The following MPDZ variants were observed in gnomAD, a reference collection of about 807,000 sequenced individuals.
MPDZ encodes multiple PDZ domain crumbs cell polarity complex component, also known as multiple PDZ domain protein.
MPDZ carries 234 observed loss-of-function variants against 239.1 expected under a neutral mutation model. That is an observed-to-expected ratio of 0.98 (90% CI 0.88 to 1.09). The LOEUF is 1.09. Among genes scored for constraint, MPDZ ranks in the 50% least tolerant of loss-of-function variants. MPDZ has a pLI of 0.00. For synonymous variants in MPDZ, 1,048 were observed against 881.3 expected (o/e 1.19, Z -3.35); for missense variants, 3,175 against 2,510.0 (o/e 1.26, Z -5.66).
At chr9:13,218,018 G>C (rs941450253) in intron 8 of MPDZ, among the ~76,000 whole-genome samples, 2 of 151,810 alleles carry the variant, frequency 1.3e-5, no homozygotes, top group Non-Finnish European at 2.9e-5. Flanking sequence ...CTATGTATTA[G>C]CATGGTGTCA....
At chr9:13,160,870 A>ATATATATATATATATATATATAT (rs1554669677) in intron 23 of MPDZ, among the ~76,000 whole-genome samples, 3 of 127,730 alleles carry the variant, frequency 2.3e-5, no homozygotes, top group Non-Finnish European at 5.0e-5. Context: ...ATATATATAT[A>ATATATATATATATATATATATAT]AAACAGGTAC....
chr9:13,110,210 G>C lies in MPDZ; in HGVS notation c.5830-146C>G, dbSNP rs370419470. The C allele has an allele frequency of 2.8e-5, 18 of 647,156 alleles. No homozygotes were observed. The East Asian group carries it at 3.0e-4, about 11-fold the overall frequency. The allele number at this position is 647,156 out of a possible 1,614,324, so 40.1% of individuals were successfully genotyped here. A position where few individuals can be genotyped will look rare whatever the true frequency, so the allele number is the denominator to read the frequency against. ...TGTTAACATAAAATACAACCAAAGA[G>C]AATGAAATTTCACAAGGTCCAGAGG... is the stretch of plus-strand genomic sequence containing the variant. On this transcript the variant is annotated intron_variant, in intron 44 of 46. Transcript: ENST00000319217.
At chr9:13,198,410 T>C (rs190777522) in intron 12 of MPDZ, among the ~76,000 whole-genome samples, 1 of 152,308 alleles carries the variant, frequency 6.6e-6, no homozygotes, top group Admixed American at 6.5e-5. Context: ...GGAATGTCTA[T>C]TCAGATCTTT....
chr9:13,277,306 G>C (rs1259025017), intron 1 of MPDZ, among the ~76,000 whole-genome samples: 1 of 151,378 alleles, frequency 6.6e-6, no homozygotes, highest in Non-Finnish European at 1.5e-5. Flanking sequence ...AACACAGAAA[G>C]GATCAAAGGA....
chr9:13,134,169 C>A (rs987880873), intron 31 of MPDZ: 4 of 170,370 alleles, frequency 2.3e-5, no homozygotes, highest in African/African-American at 9.5e-5. Flanking sequence ...CAGTTGAGAG[C>A]ACAGATAGAC....
chr9:13,273,781 C>T (rs1210480356), intron 1 of MPDZ, among the ~76,000 whole-genome samples: 1 of 152,128 alleles, frequency 6.6e-6, no homozygotes, highest in Non-Finnish European at 1.5e-5. Context: ...TAAACATTGA[C>T]TATTAACACT....
chr9:13,214,704 G>A (rs369456441), intron 10 of MPDZ, among the ~76,000 whole-genome samples: 2 of 151,996 alleles, frequency 1.3e-5, no homozygotes, highest in African/African-American at 2.4e-5. Context: ...TTTAGACTCC[G>A]TATGTATTCC....
At chr9:13,158,273 G>A (rs1285214697) in intron 23 of MPDZ, among the ~76,000 whole-genome samples, 163 bp from the exon 24 acceptor site, 2 of 152,046 alleles carry the variant, frequency 1.3e-5, no homozygotes, top group African/African-American at 4.8e-5. Flanking sequence ...GAAGAAAAAC[G>A]TAACCAAACA....
rs747068627 is a variant in MPDZ at position 13,176,181 on chromosome 9, T to TATAA, written c.2882_2885dup (p.Ser963TyrfsTer19). 6.9e-6 allele frequency: 11 copies of TATAA among 1,603,690 alleles called. No individual in the cohort carries two copies. The highest frequency in any genetic ancestry group is 9.4e-6 in the Non-Finnish European group (11 of 1,174,424). On this transcript the variant is annotated frameshift_variant, in exon 20 of 47. Transcript: ENST00000319217. LOFTEE classifies it high-confidence loss of function. ...GCACAGAAGGAAGTTCTGCACTTGA[T>TATAA]ATAACTTCACTTGGTAAATGAGATT...
intron 18 of MPDZ, among the ~76,000 whole-genome samples, chr9:13,185,855 A>G (rs1185377851): frequency 6.6e-6 from 1 of 152,156 alleles, no homozygotes; most frequent in Non-Finnish European, 1.5e-5. Flanking sequence ...ACCAATTTAT[A>G]TGATTCTCAC....
chr9:13,210,644 G>A (rs541536724), intron 10 of MPDZ, among the ~76,000 whole-genome samples: 2 of 152,010 alleles, frequency 1.3e-5, no homozygotes, highest in African/African-American at 4.8e-5. Context: ...CTTTGTCTGG[G>A]CATAGACCAC....
At chr9:13,114,134 T>C (rs1408578578) in intron 40 of MPDZ, 113 bp from the exon 41 acceptor site, 1 of 803,842 alleles carries the variant, frequency 1.2e-6, no homozygotes. Context: ...ACAGTGGCAT[T>C]TGATAATTTG....
At chr9:13,231,283 T>C (rs1211038773) in intron 3 of MPDZ, among the ~76,000 whole-genome samples, 1 of 152,082 alleles carries the variant, frequency 6.6e-6, no homozygotes, top group Non-Finnish European at 1.5e-5. Flanking sequence ...ATCAATAGTT[T>C]GGCCAGGTGC....
At chr9:13,242,886 T>G (rs1035084437) in intron 3 of MPDZ, among the ~76,000 whole-genome samples, 2 of 152,188 alleles carry the variant, frequency 1.3e-5, no homozygotes, top group African/African-American at 4.8e-5. Flanking sequence ...ACCCATTACC[T>G]GTCAGTAGCA....
At chr9:13,228,496 T>A (rs1961340884) in intron 3 of MPDZ, among the ~76,000 whole-genome samples, 1 of 151,934 alleles carries the variant, frequency 6.6e-6, no homozygotes, top group Admixed American at 6.6e-5. Flanking sequence ...GCAGAAAAAA[T>A]AACAAAGAAA....
chr9:13,165,890 G>A (rs1303301181), intron 22 of MPDZ, among the ~76,000 whole-genome samples: 1 of 152,068 alleles, frequency 6.6e-6, no homozygotes, highest in Non-Finnish European at 1.5e-5. Flanking sequence ...TAAACTGGCT[G>A]TTCTTGAACT....
At chr9:13,119,743 C>T (rs752478515) in intron 38 of MPDZ, 94 bp from the exon 39 acceptor site, 6 of 1,480,620 alleles carry the variant, frequency 4.1e-6, no homozygotes, top group African/African-American at 1.4e-5. Flanking sequence ...AAAATTTTTA[C>T]TTGTTTTTAT....
At chr9:13,125,022 A>G (rs1203364057) in intron 35 of MPDZ, among the ~76,000 whole-genome samples, 194 bp downstream of exon 35, 1 of 152,100 alleles carries the variant, frequency 6.6e-6, no homozygotes, top group Non-Finnish European at 1.5e-5. Flanking sequence ...TACAGCACAT[A>G]GATTGCCTGC....
At chr9:13,273,335 C>A (rs1421571607) in intron 1 of MPDZ, among the ~76,000 whole-genome samples, 1 of 152,138 alleles carries the variant, frequency 6.6e-6, no homozygotes, top group African/African-American at 2.4e-5. Context: ...ATCTTTATGA[C>A]TCTATCATCA....
Sources: gnomAD v4.1 joint callset for allele counts (sites outside exome capture counted in the v4.1 genomes callset) on GRCh38, gnomAD v4.1.1 for gene constraint, MANE v1.5 for transcripts, NCBI Gene and HGNC (gene_info 2026-07-23, HGNC 2026-07-21) for gene names.